Variants in PHLDB3 observed in about 807,000 individuals in gnomAD.
PHLDB3 encodes pleckstrin homology like domain family B member 3.
PHLDB3 carries 86 observed loss-of-function variants against 85.7 expected under a neutral mutation model. That is an observed-to-expected ratio of 1.00 (90% CI 0.84 to 1.20). The LOEUF is 1.20. Ranked by LOEUF, PHLDB3 falls within the 50% of genes most tolerant of loss-of-function variation. The pLI, the probability that PHLDB3 is intolerant of heterozygous loss-of-function variation, is 0.00. For missense variants in PHLDB3, 995 were observed against 873.0 expected (o/e 1.14, Z -1.76); for synonymous variants, 376 against 349.8 (o/e 1.07, Z -0.83).
intron 1 of PHLDB3, chr19:43,504,381 C>G: frequency 1.8e-6 from 1 of 555,650 alleles, no homozygotes; most frequent in Non-Finnish European, 3.2e-6. Flanking sequence ...CCCTACTGAC[C>G]TCTTCGACCC....
intron 4 of PHLDB3, among the ~76,000 whole-genome samples, chr19:43,500,042 C>A (rs1345367825): frequency 6.6e-6 from 1 of 152,058 alleles, no homozygotes; most frequent in Non-Finnish European, 1.5e-5. Context: ...GAGTTCGAGA[C>A]CAGCCTGACC....
chr19:43,497,428 G>T, intron 5 of PHLDB3, 149 bp from the exon 6 acceptor site: 2 of 717,880 alleles, frequency 2.8e-6, no homozygotes, highest in East Asian at 3.0e-5. Context: ...AAGAATCAGA[G>T]GGCCAGCTGG....
At chr19:43,487,591 A>C (rs11882174) in intron 9 of PHLDB3, among the ~76,000 whole-genome samples, 7,257 of 115,500 alleles carry the variant, frequency 0.063, 868 homozygotes, top group African/African-American at 0.14. Flanking sequence ...AAAAAAAAAA[A>C]ACACAGAAAA....
At chr19:43,499,407 G>A (rs1971537205) in intron 4 of PHLDB3, among the ~76,000 whole-genome samples, 1 of 151,842 alleles carries the variant, frequency 6.6e-6, no homozygotes, top group African/African-American at 2.4e-5. Context: ...GGACTTCTGG[G>A]TTTGAGGGAG....
At chr19:43,495,648 C>T (rs1481622888) in intron 6 of PHLDB3, 28 bp from the exon 7 acceptor site, 5 of 1,593,026 alleles carry the variant, frequency 3.1e-6, no homozygotes, top group East Asian at 2.3e-5. Context: ...CTGTCACGGC[C>T]CCAGCCAGCT....
In PHLDB3 at chr19:43,488,732, C is replaced by CT. The variant is rs552522022; in HGVS notation, c.1150-1610dup. Reference sequence around the variant, plus strand: ...CAGTGCCATCTGTGCTAGCAAAAGCCTGGAGACCACCTAAATGCCCATCAG... The same window carrying CT: ...CAGTGCCATCTGTGCTAGCAAAAGCCTTGGAGACCACCTAAATGCCCATCAG... On this transcript the variant is annotated intron_variant, in intron 9 of 15. Coordinates refer to ENST00000292140, the MANE Select transcript of PHLDB3 (RefSeq NM_198850.4). Among the ~76,000 whole-genome samples, 49 of 152,192 alleles carry CT rather than the reference C, an allele frequency of 3.2e-4. No homozygotes were observed. In the East Asian group the frequency reaches 9.1e-3, roughly 28 times the overall value.
chr19:43,497,087 A>G, intron 6 of PHLDB3, 31 bp downstream of exon 6: 1 of 1,409,448 alleles, frequency 7.1e-7, no homozygotes, highest in Non-Finnish European at 9.3e-7. Context: ...AGGAGCAGCA[A>G]GGGGGGCAGC....
chr19:43,495,695 G>A (rs1394453756), intron 6 of PHLDB3, 75 bp from the exon 7 acceptor site: 2 of 1,518,226 alleles, frequency 1.3e-6, no homozygotes, highest in African/African-American at 2.8e-5. Flanking sequence ...CATCTGCCTG[G>A]AGGGCTGGGG....
chr19:43,486,964 T>A, intron 10 of PHLDB3, 60 bp downstream of exon 10: 2 of 1,484,394 alleles, frequency 1.3e-6, no homozygotes, highest in South Asian at 1.4e-5. Context: ...GTTTCCTCCA[T>A]CCTCTGCTGC....
chr19:43,489,682 T>G (rs530752757), intron 9 of PHLDB3, among the ~76,000 whole-genome samples: 1 of 152,180 alleles, frequency 6.6e-6, no homozygotes, highest in East Asian at 1.9e-4. Flanking sequence ...AAAAAAAAGT[T>G]TGTTTTTTTT....
In PHLDB3 at chr19:43,475,146, CAATA is replaced by C. The variant is rs1416836630; in HGVS notation, c.*260_*263del. Reference sequence around the variant, plus strand: ...ATTTAATTCGGTATCACAGGAGCACCAATAAATAGTTTCTTCCCGCCCCTGCAAT... The same window carrying C: ...ATTTAATTCGGTATCACAGGAGCACCAATAGTTTCTTCCCGCCCCTGCAAT... On this transcript the variant is annotated 3_prime_UTR_variant, in exon 16 of 16. Transcript: ENST00000292140. 9.3e-6 allele frequency: 4 copies of C among 430,840 alleles called. No homozygotes were observed. The highest frequency in any genetic ancestry group is 2.9e-5 in the South Asian group (1 of 34,790). The allele number at this position is 430,840 out of a possible 1,614,324, so 26.7% of individuals were successfully genotyped here.
chr19:43,486,619 A>G lies in PHLDB3; in HGVS notation c.1418T>C (p.Leu473Pro). ...GGCCTGGGCTCTCACCCGGGCCTTG[A>G]GCAGCCGCTCCCTCTCCGCCATGGC... ...QQAMAERERL[L>P]KAREGTRRGT... is the part of the protein sequence containing the mutation. Residue 473 changes from leucine to proline, a missense_variant, in exon 12 of 16, where the codon CTC (leucine) becomes CCC (proline). Physicochemically the swap from Leu to Pro is moderately conservative, Grantham distance 98. Transcript: ENST00000292140. 6.2e-7 allele frequency: 1 copy of G among 1,613,174 alleles called. No homozygotes were observed.
intron 14 of PHLDB3, among the ~76,000 whole-genome samples, chr19:43,478,944 A>AACAAAG (rs1970981880): frequency 6.6e-6 from 1 of 151,004 alleles, no homozygotes; most frequent in Non-Finnish European, 1.5e-5. Flanking sequence ...CAAAAACAAA[A>AACAAAG]AAAAGTGTCC....
At position 43,487,268 on chromosome 19, in the gene PHLDB3, A is replaced by G. The variant is rs954460260; in HGVS notation, c.1150-145T>C. 31 of 685,144 alleles carry G rather than the reference A, an allele frequency of 4.5e-5. No individual in the cohort carries two copies. In the Admixed American group the frequency reaches 6.6e-4, roughly 15 times the overall value. 42.4% of individuals were successfully genotyped at this position (685,144 alleles called of 1,614,324 possible). On this transcript the variant is annotated intron_variant, in intron 9 of 15. Transcript: ENST00000292140. Reference sequence around the variant, plus strand: ...CTGAGTGAAAGGACCTCACAGGGGTATGATCCCGTTTATAAGAAATATCAA... The same window carrying G: ...CTGAGTGAAAGGACCTCACAGGGGTGTGATCCCGTTTATAAGAAATATCAA...
Position 43,503,944 on chromosome 19 carries a change from C to T in PHLDB3, c.175G>A (p.Val59Met). The T allele has an allele frequency of 1.2e-6, 2 of 1,613,414 alleles. No homozygotes were observed. The highest frequency in any genetic ancestry group is 2.2e-5 in the East Asian group (1 of 44,862). Residue 59 changes from valine (V) to methionine (M), a missense_variant, in exon 2 of 16, where the codon GTG becomes ATG. Transcript: ENST00000292140. ...GAEQQAEEEEVGEGSSTESSR... is the reference protein window; with the variant it reads ...GAEQQAEEEEMGEGSSTESSR... ...CTCTCAGTGCTGCTGCCTTCTCCCA[C>T]TTCTTCTTCCTCTGCCTGCTGCTCA...
Position 43,497,752 on chromosome 19 carries a change from T to G in PHLDB3, c.659A>C (p.Gln220Pro). 1 of 1,551,778 alleles carries G rather than the reference T, an allele frequency of 6.4e-7. No homozygotes were observed. Among genetic ancestry groups the G allele is most frequent in the Non-Finnish European group, 8.7e-7 (1 of 1,147,128 alleles). Residue 220 changes from glutamine (Q) to proline (P), a missense_variant, in exon 5 of 16, where the codon CAG (glutamine) becomes CCG (proline). Coordinates refer to ENST00000292140, the MANE Select transcript of PHLDB3 (RefSeq NM_198850.4). ...GAAAGAACCAGATGCCATTACCTCC[T>G]GCACACCCTGCAGAAGCCGCTCGCG... Reference protein sequence around the residue: ...DQRERLLQGVQEMREQLDVAQ... With the variant: ...DQRERLLQGVPEMREQLDVAQ...
chr19:43,485,603 G>A (rs1424663649), intron 13 of PHLDB3, among the ~76,000 whole-genome samples: 1 of 149,700 alleles, frequency 6.7e-6, no homozygotes, highest in African/African-American at 2.5e-5. Flanking sequence ...TATTGCCAAG[G>A]CTGGAGTGTA....
chr19:43,501,988 A>T, intron 3 of PHLDB3, 113 bp downstream of exon 3: 1 of 1,484,568 alleles, frequency 6.7e-7, no homozygotes, highest in South Asian at 1.4e-5. Flanking sequence ...ATTTGGAGGG[A>T]GGAAGAGCGG....
Position 43,486,632 on chromosome 19 carries a change from T to A in PHLDB3, c.1405A>T (p.Arg469Trp), listed in dbSNP as rs1276541956. The change falls in exon 12 of 16, where the codon AGG (arginine) becomes TGG (tryptophan). Residue 469 changes from arginine (R) to tryptophan (W), a missense_variant. Transcript: ENST00000292140. ...ERLLQQAMAE[R>W]ERLLKAREGT... Reference sequence around the variant, plus strand: ...ACCCGGGCCTTGAGCAGCCGCTCCCTCTCCGCCATGGCCTGCTGCAGGAGC... The same window carrying A: ...ACCCGGGCCTTGAGCAGCCGCTCCCACTCCGCCATGGCCTGCTGCAGGAGC... The A allele has an allele frequency of 1.2e-6, 2 of 1,613,768 alleles. No individual in the cohort carries two copies. Among genetic ancestry groups the A allele is most frequent in the Non-Finnish European group, 1.7e-6 (2 of 1,179,810 alleles).
Sources: allele counts gnomAD v4.1 joint callset (sites outside exome capture counted in the v4.1 genomes callset), GRCh38; gene constraint gnomAD v4.1.1; transcripts MANE v1.5; gene names NCBI Gene and HGNC (gene_info 2026-07-23, HGNC 2026-07-21).